FOXP2: variants seen among roughly 807,000 people sequenced by gnomAD.
FOXP2 encodes the protein forkhead box P2, also known as forkhead box protein P2.
Under a neutral mutation model 115.8 loss-of-function variants are expected in FOXP2, and 12 were observed. That is an observed-to-expected ratio of 0.10 (90% confidence interval 0.07 to 0.17). FOXP2 has a LOEUF of 0.17. Ranked by LOEUF, FOXP2 falls within the 10% of genes least tolerant of loss-of-function variation. The pLI, the probability that FOXP2 is intolerant of heterozygous loss-of-function variation, is 1.00. For missense variants in FOXP2, 629 were observed against 843.5 expected, an observed-to-expected ratio of 0.75 and a Z score of 3.15; for synonymous variants, 328 against 297.7, an observed-to-expected ratio of 1.10 and a Z score of -1.05.
chr7:114,366,928 T>C (rs535445556), intron 2 of FOXP2, among the ~76,000 whole-genome samples: 1 of 152,262 alleles, frequency 6.6e-6, no homozygotes, highest in Admixed American at 6.6e-5. Flanking sequence ...TTTGTTAAGA[T>C]TGGATATTAA....
intron 1 of FOXP2, among the ~76,000 whole-genome samples, chr7:114,176,234 T>TC (rs1562992738): frequency 6.7e-6 from 1 of 149,528 alleles, no homozygotes; most frequent in African/African-American, 2.5e-5. Context: ...GTCTTGTCTT[T>TC]TCTTTCTTTC....
At chr7:114,224,357 G>A (rs1236857448) in intron 1 of FOXP2, among the ~76,000 whole-genome samples, 1 of 152,096 alleles carries the variant, frequency 6.6e-6, no homozygotes, top group Non-Finnish European at 1.5e-5. Context: ...AGTATGGGGA[G>A]AATCCTGAGT....
chr7:114,526,133 T>TA (rs1167550042), intron 2 of FOXP2, among the ~76,000 whole-genome samples: 1 of 113,886 alleles, frequency 8.8e-6, no homozygotes, highest in Non-Finnish European at 1.7e-5. Flanking sequence ...AAAAAGTTTT[T>TA]AAAAAATATT....
chr7:114,509,778 T>G (rs1417457149), intron 2 of FOXP2, among the ~76,000 whole-genome samples: 1 of 151,640 alleles, frequency 6.6e-6, no homozygotes, highest in Non-Finnish European at 1.5e-5. Flanking sequence ...ATTCAGGGAG[T>G]TCATGGGAGA....
intron 2 of FOXP2, among the ~76,000 whole-genome samples, chr7:114,326,017 A>G (rs1173066136): frequency 6.6e-6 from 1 of 152,120 alleles, no homozygotes; most frequent in Non-Finnish European, 1.5e-5. Context: ...TGTGCCAAGT[A>G]GGTAACTCCA....
chr7:114,324,690 G>C (rs746571023), intron 2 of FOXP2, among the ~76,000 whole-genome samples: 2 of 151,498 alleles, frequency 1.3e-5, no homozygotes, highest in Non-Finnish European at 3.0e-5. Context: ...CTACAGAAAT[G>C]GTATTATTAT....
At chr7:114,141,681 C>T (rs1295544878) in intron 1 of FOXP2, among the ~76,000 whole-genome samples, 1 of 152,122 alleles carries the variant, frequency 6.6e-6, no homozygotes, top group Non-Finnish European at 1.5e-5. Context: ...CCATCACTTC[C>T]TTTGTGTGTG....
intron 3 of FOXP2, among the ~76,000 whole-genome samples, chr7:114,546,244 A>T (rs1584878280): frequency 6.6e-6 from 1 of 152,156 alleles, no homozygotes; most frequent in Non-Finnish European, 1.5e-5. Flanking sequence ...GCTTTTCCTG[A>T]CGCCATTGTG....
intron 2 of FOXP2, among the ~76,000 whole-genome samples, chr7:114,355,896 G>C (rs1791607712): frequency 6.6e-6 from 1 of 152,080 alleles, no homozygotes; most frequent in African/African-American, 2.4e-5. Context: ...TTTCAGCATG[G>C]ATAATTATTT....
intron 3 of FOXP2, among the ~76,000 whole-genome samples, chr7:114,535,320 A>G (rs1397787271): frequency 6.6e-6 from 1 of 150,942 alleles, no homozygotes; most frequent in Non-Finnish European, 1.5e-5. Flanking sequence ...TAACCAAAAT[A>G]TGTGGGACAT....
intron 2 of FOXP2, among the ~76,000 whole-genome samples, chr7:114,526,247 G>T (rs987899859): frequency 2.1e-5 from 3 of 141,076 alleles, no homozygotes; most frequent in African/African-American, 7.9e-5. Flanking sequence ...GGGAGGCCAA[G>T]ACGGATGGAT....
At chr7:114,407,087 G>A (rs963621311) in intron 2 of FOXP2, among the ~76,000 whole-genome samples, 1 of 151,912 alleles carries the variant, frequency 6.6e-6, no homozygotes, top group Admixed American at 6.6e-5. Flanking sequence ...TTGGGAAGAG[G>A]AAATAAATCA....
intron 2 of FOXP2, among the ~76,000 whole-genome samples, chr7:114,393,036 G>C (rs537400892): frequency 6.6e-6 from 1 of 152,238 alleles, no homozygotes; most frequent in African/African-American, 2.4e-5. Context: ...GGTGAGGAAA[G>C]CAGTATGTGT....
chr7:114,453,214 C>T (rs1041888949), intron 2 of FOXP2, among the ~76,000 whole-genome samples: 4 of 151,998 alleles, frequency 2.6e-5, no homozygotes, highest in Admixed American at 6.6e-5. Context: ...CTGTAAATTG[C>T]ATATAAATTA....
chr7:114,114,443 G>A (rs950651291), intron 1 of FOXP2, among the ~76,000 whole-genome samples: 2 of 152,000 alleles, frequency 1.3e-5, no homozygotes, highest in Admixed American at 1.3e-4. Flanking sequence ...CATCACTTAT[G>A]TCTCTTCCTG....
intron 3 of FOXP2, among the ~76,000 whole-genome samples, chr7:114,541,204 C>T (rs1562986729): frequency 6.6e-6 from 1 of 151,944 alleles, no homozygotes; most frequent in Non-Finnish European, 1.5e-5. Flanking sequence ...GAAAGCTTGA[C>T]AGAGGGGTCA....
chr7:114,462,056 T>A (rs1009892565), intron 2 of FOXP2, among the ~76,000 whole-genome samples: 4 of 151,596 alleles, frequency 2.6e-5, no homozygotes, highest in Non-Finnish European at 5.9e-5. Flanking sequence ...CGAGGCAGGC[T>A]GATCACGAGG....
At chr7:114,685,055 A>T (rs948776738) in intron 16 of FOXP2, among the ~76,000 whole-genome samples, 10 of 151,782 alleles carry the variant, frequency 6.6e-5, no homozygotes, top group African/African-American at 1.7e-4. Flanking sequence ...AACATCTCTT[A>T]TGGATTTAGG....
chr7:114,629,842 A>G lies in FOXP2; in HGVS notation c.434A>G (p.Gln145Arg). Residue 145 changes from glutamine to arginine, a missense_variant, in exon 5 of 17, where the codon CAG becomes CGG. Gln to Arg is a conservative substitution (Grantham distance 43). Transcript: ENST00000350908. ...LQEFYKKQQE[Q>R]LHLQLLQQQQ... ...GAGTTTTACAAGAAACAGCAAGAGC[A>G]GTTACATCTTCAGCTTTTGCAGCAG... is the stretch of plus-strand genomic sequence containing the variant. 1.9e-6 allele frequency: 3 copies of G among 1,613,972 alleles called. No individual in the cohort carries two copies. Among genetic ancestry groups the G allele is most frequent in the South Asian group, 2.2e-5 (2 of 91,058 alleles).
Sources: gnomAD v4.1 joint callset for allele counts (sites outside exome capture counted in the v4.1 genomes callset) on GRCh38, gnomAD v4.1.1 for gene constraint, MANE v1.5 for transcripts, NCBI Gene and HGNC (gene_info 2026-07-23, HGNC 2026-07-21) for gene names.